Variants in LAMA2 observed in about 807,000 individuals in gnomAD.
LAMA2 encodes laminin subunit alpha-2.
A neutral mutation model predicts 364.8 loss-of-function variants in LAMA2; 269 were observed. The observed-to-expected ratio is 0.74, with a 90% CI of 0.67 to 0.82. The LOEUF (loss-of-function observed/expected upper bound fraction) is 0.82. Among genes scored for constraint, LAMA2 ranks in the 40% least tolerant of loss-of-function variants. The pLI, the probability that LAMA2 is intolerant of heterozygous loss-of-function variation, is 0.00. For synonymous variants in LAMA2, 1,379 were observed against 1,370.6 expected (o/e 1.01, Z -0.14); for missense variants, 3,807 against 3,873.2 (o/e 0.98, Z 0.45).
At chr6:129,499,672 A>C (rs1207924795) in intron 58 of LAMA2, among the ~76,000 whole-genome samples, 1 of 152,148 alleles carries the variant, frequency 6.6e-6, no homozygotes, top group Non-Finnish European at 1.5e-5. Flanking sequence ...AGAGAAGAGG[A>C]AGCAACACCG....
chr6:129,199,952 G>T (rs191794761), intron 12 of LAMA2, among the ~76,000 whole-genome samples: 1 of 151,662 alleles, frequency 6.6e-6, no homozygotes, highest in Admixed American at 6.6e-5. Flanking sequence ...GGTGACAAAC[G>T]CCTGCAATCC....
At chr6:129,499,825 C>T (rs957663888) in intron 58 of LAMA2, among the ~76,000 whole-genome samples, 11 of 152,190 alleles carry the variant, frequency 7.2e-5, no homozygotes, top group African/African-American at 2.2e-4. Flanking sequence ...TCAAGTGATT[C>T]TCCTGCCTTG....
intron 1 of LAMA2, among the ~76,000 whole-genome samples, chr6:129,037,054 A>G (rs1315873163): frequency 2.0e-5 from 3 of 152,224 alleles, no homozygotes; most frequent in African/African-American, 7.2e-5. Context: ...TCAGCAGTCA[A>G]TTATCTCCTT....
At chr6:129,147,990 T>C (rs550531103) in intron 6 of LAMA2, among the ~76,000 whole-genome samples, 1 of 152,168 alleles carries the variant, frequency 6.6e-6, no homozygotes, top group East Asian at 1.9e-4. Context: ...GTTTGTTACA[T>C]AGGTAAATGT....
intron 3 of LAMA2, among the ~76,000 whole-genome samples, chr6:129,061,045 C>T (rs923552411): frequency 2.0e-5 from 3 of 152,196 alleles, no homozygotes; most frequent in Non-Finnish European, 2.9e-5. Context: ...TCTCAGAGCA[C>T]TATCAGAGAA....
At chr6:129,338,137 C>T (rs1434477445) in intron 29 of LAMA2, among the ~76,000 whole-genome samples, 1 of 152,096 alleles carries the variant, frequency 6.6e-6, no homozygotes, top group Non-Finnish European at 1.5e-5. Context: ...GAAACAAAAT[C>T]ATATTTTTGA....
intron 3 of LAMA2, among the ~76,000 whole-genome samples, chr6:129,090,213 A>G (rs1478023596): frequency 1.3e-5 from 2 of 152,258 alleles, no homozygotes; most frequent in African/African-American, 2.4e-5. Flanking sequence ...ACACCCATCC[A>G]TAAGTATTAA....
At chr6:128,887,531 C>G (rs575468235) in intron 1 of LAMA2, among the ~76,000 whole-genome samples, 2 of 152,000 alleles carry the variant, frequency 1.3e-5, no homozygotes, top group South Asian at 4.1e-4. Context: ...TAAGATTTTT[C>G]TACCCTAGGA....
intron 3 of LAMA2, among the ~76,000 whole-genome samples, chr6:129,078,883 A>T (rs561753797): frequency 6.6e-5 from 10 of 152,218 alleles, no homozygotes; most frequent in Non-Finnish European, 8.8e-5. Context: ...TATAAGTGGA[A>T]CCACACAGTA....
chr6:129,446,119 A>AT (rs2114775443), intron 45 of LAMA2, among the ~76,000 whole-genome samples: 1 of 152,178 alleles, frequency 6.6e-6, no homozygotes, highest in East Asian at 1.9e-4. Flanking sequence ...AGAAAACCTT[A>AT]TTATTGTATA....
At chr6:129,088,999 A>G (rs914159637) in intron 3 of LAMA2, among the ~76,000 whole-genome samples, 1 of 151,938 alleles carries the variant, frequency 6.6e-6, no homozygotes, top group Non-Finnish European at 1.5e-5. Context: ...CCGAGATCAC[A>G]CCACTGCACT....
intron 1 of LAMA2, among the ~76,000 whole-genome samples, chr6:129,041,432 T>C (rs1385736685): frequency 6.6e-6 from 1 of 152,260 alleles, no homozygotes; most frequent in East Asian, 1.9e-4. Context: ...TCCAGGACTA[T>C]CTTTTTGCCC....
intron 1 of LAMA2, among the ~76,000 whole-genome samples, chr6:129,013,220 G>GACC (rs1784867325): frequency 6.6e-6 from 1 of 152,108 alleles, no homozygotes; most frequent in Non-Finnish European, 1.5e-5. Context: ...CGGATCACGA[G>GACC]GTCAGGAGAT....
At chr6:129,345,841 T>C (rs1337096699) in intron 30 of LAMA2, among the ~76,000 whole-genome samples, 1 of 152,184 alleles carries the variant, frequency 6.6e-6, no homozygotes, top group Non-Finnish European at 1.5e-5. Context: ...ATTAGGCTAA[T>C]TAACAAAGTG....
At chr6:129,177,894 A>G (rs1207007660) in intron 10 of LAMA2, 28 bp downstream of exon 10, 1 of 1,603,628 alleles carries the variant, frequency 6.2e-7, no homozygotes, top group East Asian at 2.2e-5. Context: ...GTAATGTCCC[A>G]CTGTCAAGAC....
In LAMA2 at chr6:129,506,155, T is replaced by C. The variant is rs112721770; in HGVS notation, c.8703+800T>C. On this transcript the variant is annotated intron_variant, in intron 61 of 64. Coordinates refer to ENST00000421865, the MANE Select transcript of LAMA2 (RefSeq NM_000426.4). ...ATCACTTGAGACCAGGAGTTCAAGATGAGCCTGGCCATCATAGCAAAACCC... is the reference window on the plus strand; with the variant it reads ...ATCACTTGAGACCAGGAGTTCAAGACGAGCCTGGCCATCATAGCAAAACCC... 8.3e-3 allele frequency among the ~76,000 whole-genome samples: 1,259 copies of C among 151,972 alleles called. 10 individuals are homozygous for C. The highest frequency in any genetic ancestry group is 0.014 in the Non-Finnish European group (942 of 67,934).
chr6:129,367,214 C>T (rs990183697), intron 33 of LAMA2, among the ~76,000 whole-genome samples: 5 of 152,112 alleles, frequency 3.3e-5, no homozygotes, highest in Non-Finnish European at 7.4e-5. Context: ...GGGGTTGTTT[C>T]ACCTGATGGA....
chr6:128,990,019 G>A (rs1783508665), intron 1 of LAMA2, among the ~76,000 whole-genome samples: 1 of 152,048 alleles, frequency 6.6e-6, no homozygotes, highest in South Asian at 2.1e-4. Flanking sequence ...TGAATTTTAG[G>A]GGGACACAAA....
At position 129,288,944 on chromosome 6, in the gene LAMA2, G is replaced by A. The variant is rs557387668; in HGVS notation, c.2749+886G>A. Among the ~76,000 whole-genome samples, 23 of 152,180 alleles carry A rather than the reference G, an allele frequency of 1.5e-4. 1 individual carries two copies. In the South Asian group the frequency reaches 4.8e-3, roughly 32 times the overall value. On this transcript the variant is annotated intron_variant, in intron 19 of 64. Transcript: ENST00000421865. ...GAGAGACTCTTCCAATTATTCAGGT[G>A]GGTCCCAGGACATGCAGAATTATAG...
Sources: allele counts gnomAD v4.1 joint callset (sites outside exome capture counted in the v4.1 genomes callset), GRCh38; gene constraint gnomAD v4.1.1; transcripts MANE v1.5; gene names NCBI Gene and HGNC (gene_info 2026-07-23, HGNC 2026-07-21).